The following PCSK2 variants were observed in gnomAD, a reference collection of about 807,000 sequenced individuals.
The protein encoded by PCSK2 is neuroendocrine convertase 2.
Under a neutral mutation model 69.7 loss-of-function variants are expected in PCSK2, and 14 were observed. The ratio of observed to expected loss-of-function variants is 0.20; its 90% CI spans 0.13 to 0.31. The LOEUF (loss-of-function observed/expected upper bound fraction) is 0.31, where lower values mean the gene tolerates loss of function less well. Ranked by LOEUF, PCSK2 falls within the 10% of genes least tolerant of loss-of-function variation. PCSK2 has a pLI of 1.00. For synonymous variants in PCSK2, 307 were observed against 320.7 expected, an observed-to-expected ratio of 0.96 and a Z score of 0.46; for missense variants, 544 against 842.5, an observed-to-expected ratio of 0.65 and a Z score of 4.39.
chr20:17,473,087 C>CTTTG (rs2033231321), intron 11 of PCSK2, among the ~76,000 whole-genome samples: 1 of 76,800 alleles, frequency 1.3e-5, no homozygotes, highest in Non-Finnish European at 2.3e-5. Context: ...AAGAAGAACT[C>CTTTG]TTTTTTTTTT....
At chr20:17,270,617 A>G (rs970389755) in intron 2 of PCSK2, among the ~76,000 whole-genome samples, 4 of 152,128 alleles carry the variant, frequency 2.6e-5, no homozygotes, top group Admixed American at 6.6e-5. Flanking sequence ...AGGTAAGACA[A>G]AATAGTTTTC....
intron 4 of PCSK2, among the ~76,000 whole-genome samples, chr20:17,366,858 A>T (rs2030608725): frequency 6.6e-6 from 1 of 152,112 alleles, no homozygotes; most frequent in African/African-American, 2.4e-5. Flanking sequence ...TCTGGTCTCA[A>T]ATTATCTTCT....
intron 11 of PCSK2, among the ~76,000 whole-genome samples, chr20:17,481,227 A>G (rs1452262443): frequency 2.6e-5 from 4 of 151,640 alleles, no homozygotes; most frequent in African/African-American, 9.7e-5. Flanking sequence ...CTAAAAATAC[A>G]AAAAATTAGC....
At chr20:17,234,851 G>A (rs1395388166) in intron 1 of PCSK2, among the ~76,000 whole-genome samples, 1 of 152,114 alleles carries the variant, frequency 6.6e-6, no homozygotes, top group African/African-American at 2.4e-5. Flanking sequence ...GAAATCTGAA[G>A]TTCAATTTTT....
intron 2 of PCSK2, among the ~76,000 whole-genome samples, chr20:17,281,135 C>T (rs1268992169): frequency 6.6e-6 from 1 of 152,212 alleles, no homozygotes; most frequent in Non-Finnish European, 1.5e-5. Flanking sequence ...TGAGGTCAAA[C>T]TGGGCATGTG....
chr20:17,264,108 T>C (rs1202707536), intron 2 of PCSK2, among the ~76,000 whole-genome samples: 1 of 152,204 alleles, frequency 6.6e-6, no homozygotes, highest in Non-Finnish European at 1.5e-5. Flanking sequence ...TAATATTTGC[T>C]TCCCAGCTCT....
At chr20:17,459,376 G>C (rs2032976126) in intron 10 of PCSK2, among the ~76,000 whole-genome samples, 1 of 152,140 alleles carries the variant, frequency 6.6e-6, no homozygotes, top group South Asian at 2.1e-4. Context: ...ATATTGTTAG[G>C]AACATTCTTG....
chr20:17,437,782 C>A (rs201417218), intron 8 of PCSK2, among the ~76,000 whole-genome samples: 2 of 152,182 alleles, frequency 1.3e-5, no homozygotes. Context: ...GAATTTGGAC[C>A]GGGCACACTG....
chr20:17,303,521 A>ATATTATATT (rs1491120307), intron 2 of PCSK2, among the ~76,000 whole-genome samples: 1 of 80,718 alleles, frequency 1.2e-5, no homozygotes, highest in African/African-American at 5.3e-5. Context: ...TATATAATAT[A>ATATTATATT]ATATATATTA....
chr20:17,369,909 T>G (rs1444061978), intron 5 of PCSK2, among the ~76,000 whole-genome samples: 1 of 152,244 alleles, frequency 6.6e-6, no homozygotes, highest in Non-Finnish European at 1.5e-5. Context: ...TTTGTGTCAC[T>G]TATGACCACT....
intron 2 of PCSK2, among the ~76,000 whole-genome samples, chr20:17,354,443 T>C (rs2030126149): frequency 6.6e-6 from 1 of 152,208 alleles, no homozygotes; most frequent in Admixed American, 6.5e-5. Flanking sequence ...GTCAGTGACC[T>C]TTTAGTAATA....
At position 17,272,017 on chromosome 20, in the gene PCSK2, G is replaced by A. The variant is rs184579975; in HGVS notation, c.282+11673G>A. On this transcript the variant is annotated intron_variant, in intron 2 of 11. Transcript: ENST00000262545. ...AATTCCAAAGCTACTTCCTTGTAGC[G>A]TTGGTTCATAATCCACATTCTCCTT... Among the ~76,000 whole-genome samples the A allele has an allele frequency of 5.3e-5, 8 of 152,186 alleles. No homozygotes were observed. The East Asian group carries it at 5.8e-4, about 11-fold the overall frequency.
chr20:17,423,495 C>T (rs2032178543), intron 6 of PCSK2, among the ~76,000 whole-genome samples: 2 of 152,108 alleles, frequency 1.3e-5, no homozygotes, highest in African/African-American at 4.8e-5. Context: ...AGACTCTCAG[C>T]TAATCTCTCC....
intron 4 of PCSK2, among the ~76,000 whole-genome samples, chr20:17,366,888 G>A (rs1011643908): frequency 6.6e-6 from 1 of 151,952 alleles, no homozygotes; most frequent in African/African-American, 2.4e-5. Flanking sequence ...ATTTTCCCTT[G>A]ACAGAGAAGA....
chr20:17,303,481 T>TTA, intron 2 of PCSK2, among the ~76,000 whole-genome samples: 1 of 49,776 alleles, frequency 2.0e-5, no homozygotes, highest in South Asian at 4.0e-4. Flanking sequence ...TTATATATAA[T>TTA]ATATATTATA....
At chr20:17,235,571 A>G (rs565845500) in intron 1 of PCSK2, among the ~76,000 whole-genome samples, 1 of 152,308 alleles carries the variant, frequency 6.6e-6, no homozygotes, top group Admixed American at 6.5e-5. Flanking sequence ...AAAGTGTTGT[A>G]AGTCATTAGA....
chr20:17,234,995 A>T (rs1302314025), intron 1 of PCSK2, among the ~76,000 whole-genome samples: 2 of 152,178 alleles, frequency 1.3e-5, no homozygotes, highest in African/African-American at 4.8e-5. Context: ...AGGTGTATTT[A>T]TTTAGCTAAA....
chr20:17,344,235 GT>G (rs1990586138), intron 2 of PCSK2, among the ~76,000 whole-genome samples: 1 of 152,238 alleles, frequency 6.6e-6, no homozygotes, highest in Non-Finnish European at 1.5e-5. Context: ...CCCTGTTGGT[GT>G]TTTGTCATTC....
At chr20:17,477,792 T>C (rs2033317879) in intron 11 of PCSK2, among the ~76,000 whole-genome samples, 2 of 152,204 alleles carry the variant, frequency 1.3e-5, no homozygotes, top group South Asian at 2.1e-4. Flanking sequence ...AGTGGTAATA[T>C]GCAAAACTGA....
Sources: allele counts gnomAD v4.1 joint callset (sites outside exome capture counted in the v4.1 genomes callset), GRCh38; gene constraint gnomAD v4.1.1; transcripts MANE v1.5; gene names NCBI Gene and HGNC (gene_info 2026-07-23, HGNC 2026-07-21).